IGSF23: variants seen among roughly 807,000 people sequenced by gnomAD.
IGSF23 encodes the protein immunoglobulin superfamily, member 23.
Under a neutral mutation model 17.8 loss-of-function variants are expected in IGSF23, and 14 were observed. The observed-to-expected ratio is 0.79, with a 90% CI of 0.52 to 1.23. The LOEUF is 1.23. IGSF23 is among the 50% of genes most tolerant of loss of function. The probability of loss-of-function intolerance (pLI) is 0.00; values close to 1 mark genes in which losing one functional copy is unlikely to be tolerated. For synonymous variants in IGSF23, 85 were observed against 92.5 expected (o/e 0.92, Z 0.46); for missense variants, 214 against 241.7 (o/e 0.89, Z 0.76).
chr19:44,618,096 A>C (rs1599729882), intron 1 of IGSF23: 2 of 471,014 alleles, frequency 4.2e-6, no homozygotes, highest in South Asian at 3.1e-5. Flanking sequence ...CACATCCTGC[A>C]CCTGCTCTGC....
chr19:44,619,291 C>T (rs997375202), intron 1 of IGSF23, among the ~76,000 whole-genome samples: 10 of 152,292 alleles, frequency 6.6e-5, no homozygotes, highest in East Asian at 1.9e-4. Flanking sequence ...CACTGGGGAT[C>T]GCATTTCAAC....
rs1302830825 is a variant in IGSF23, at chr19:44,613,642, G to C, written c.-4G>C. 1.3e-6 allele frequency: 2 copies of C among 1,545,068 alleles called. No homozygotes were observed. The highest frequency in any genetic ancestry group is 1.4e-5 in the African/African-American group (1 of 72,982). On this transcript the variant is annotated 5_prime_UTR_variant, in exon 1 of 5. Coordinates refer to ENST00000402988, the MANE Select transcript of IGSF23 (RefSeq NM_001205280.2). Reference sequence around the variant, plus strand: ...TCTCCCGGCGGGGATTGTACGGTGAGAGAATGAGAGCAAAACCTCAGAGCC... The same window carrying C: ...TCTCCCGGCGGGGATTGTACGGTGACAGAATGAGAGCAAAACCTCAGAGCC...
At chr19:44,634,878 A>G (rs908492758) in intron 3 of IGSF23, among the ~76,000 whole-genome samples, 11 of 151,996 alleles carry the variant, frequency 7.2e-5, no homozygotes, top group African/African-American at 2.7e-4. Flanking sequence ...GTGAGGATTA[A>G]GTAAAATGGT....
At chr19:44,622,590 CAT>C (rs1417178186) in intron 1 of IGSF23, among the ~76,000 whole-genome samples, 2 of 152,182 alleles carry the variant, frequency 1.3e-5, no homozygotes, top group African/African-American at 2.4e-5. Context: ...CAAGTTCTCA[CAT>C]GATAGCCAGA....
rs1193762361 is a variant in IGSF23 at position 44,627,530 on chromosome 19, G to T, written c.502G>T (p.Ala168Ser). The change falls in exon 3 of 5, where the codon GCA (alanine) becomes TCA (serine). Residue 168 changes from alanine to serine, a missense_variant. Coordinates refer to ENST00000402988, the MANE Select transcript of IGSF23 (RefSeq NM_001205280.2). ...LLAAGILGAGALIAGMCFIII... is the reference protein window; with the variant it reads ...LLAAGILGAGSLIAGMCFIII... ...TGCGGCTGGGATCCTGGGAGCCGGG[G>T]CACTGATTGCAGGCATGTGTTTCAT... 8 of 1,550,394 alleles carry T rather than the reference G, an allele frequency of 5.2e-6. No individual in the cohort carries two copies. The highest frequency in any genetic ancestry group is 6.1e-6 in the Non-Finnish European group (7 of 1,146,966).
intron 1 of IGSF23, among the ~76,000 whole-genome samples, chr19:44,618,949 A>G (rs991752029): frequency 1.1e-4 from 16 of 151,208 alleles, no homozygotes; most frequent in African/African-American, 3.7e-4. Context: ...TTCCATTGCT[A>G]TAAAGACATA....
chr19:44,621,319 A>G (rs939479105), intron 1 of IGSF23, among the ~76,000 whole-genome samples: 1 of 150,500 alleles, frequency 6.6e-6, no homozygotes, highest in African/African-American at 2.4e-5. Flanking sequence ...GTTTGTTTCA[A>G]AGGACTTGAC....
At chr19:44,615,220 C>T (rs968263595) in intron 1 of IGSF23, among the ~76,000 whole-genome samples, 2 of 152,050 alleles carry the variant, frequency 1.3e-5, no homozygotes, top group East Asian at 3.9e-4. Flanking sequence ...ACCCGGGAGG[C>T]GGAGCTTGCA....
chr19:44,615,046 T>C (rs543502812), intron 1 of IGSF23, among the ~76,000 whole-genome samples: 2 of 152,162 alleles, frequency 1.3e-5, no homozygotes, highest in South Asian at 2.1e-4. Flanking sequence ...TCCCAGCACT[T>C]TGGGAGGCCG....
intron 1 of IGSF23, among the ~76,000 whole-genome samples, chr19:44,615,624 T>TAAA (rs759106852): frequency 7.5e-6 from 1 of 133,678 alleles, no homozygotes; most frequent in Non-Finnish European, 1.6e-5. Context: ...ACTCCATCTT[T>TAAA]AAAAAAAAAA....
chr19:44,625,536 G>C (rs375558350), intron 2 of IGSF23, among the ~76,000 whole-genome samples: 2 of 152,072 alleles, frequency 1.3e-5, no homozygotes, highest in South Asian at 2.1e-4. Flanking sequence ...CTGAGCCCCA[G>C]TTTCCTCATG....
intron 3 of IGSF23, among the ~76,000 whole-genome samples, chr19:44,630,704 T>C (rs1440721034): frequency 1.3e-5 from 2 of 151,488 alleles, no homozygotes; most frequent in African/African-American, 4.9e-5. Flanking sequence ...ACCTTGCAGA[T>C]GAGGCCACGT....
intron 2 of IGSF23, among the ~76,000 whole-genome samples, chr19:44,625,006 A>G (rs860179): frequency 0.32 from 49,042 of 151,662 alleles, 7,925 homozygotes; most frequent in Non-Finnish European, 0.35. Flanking sequence ...GTTTAAGGCT[A>G]CAGTGAGCTG....
intron 1 of IGSF23, among the ~76,000 whole-genome samples, chr19:44,615,965 A>T (rs1322200904): frequency 6.6e-6 from 1 of 152,214 alleles, no homozygotes; most frequent in Non-Finnish European, 1.5e-5. Flanking sequence ...AACAGCAACC[A>T]GTTTTTAGAA....
At chr19:44,614,166 A>G (rs1330615873) in intron 1 of IGSF23, among the ~76,000 whole-genome samples, 1 of 152,010 alleles carries the variant, frequency 6.6e-6, no homozygotes, top group Non-Finnish European at 1.5e-5. Context: ...AGATGACCCT[A>G]TTGGCTTCTT....
At chr19:44,615,349 T>C (rs1464414086) in intron 1 of IGSF23, among the ~76,000 whole-genome samples, 1 of 149,400 alleles carries the variant, frequency 6.7e-6, no homozygotes, top group African/African-American at 2.5e-5. Flanking sequence ...GTGCAGTGGC[T>C]GGGATTACAA....
chr19:44,632,959 T>C (rs1008670079), intron 3 of IGSF23, among the ~76,000 whole-genome samples: 6 of 152,218 alleles, frequency 3.9e-5, no homozygotes, highest in African/African-American at 7.2e-5. Context: ...AGAAATCATA[T>C]TAATAGGCAT....
chr19:44,624,909 A>G (rs896220381), intron 2 of IGSF23, among the ~76,000 whole-genome samples: 2 of 80,968 alleles, frequency 2.5e-5, no homozygotes, highest in Non-Finnish European at 6.8e-5. Flanking sequence ...CAAAAAAAAA[A>G]AAAAAAAAAA....
At chr19:44,617,805 A>G (rs1337693788) in intron 1 of IGSF23, among the ~76,000 whole-genome samples, 7 of 152,032 alleles carry the variant, frequency 4.6e-5, no homozygotes, top group Non-Finnish European at 1.0e-4. Flanking sequence ...GAACAGAAGG[A>G]CCCAGCCAAC....
Sources: gnomAD v4.1 joint callset for allele counts (sites outside exome capture counted in the v4.1 genomes callset) on GRCh38, gnomAD v4.1.1 for gene constraint, MANE v1.5 for transcripts, NCBI Gene and HGNC (gene_info 2026-07-23, HGNC 2026-07-21) for gene names.